ZWILCH: variants seen among roughly 807,000 people sequenced by gnomAD.
The protein encoded by ZWILCH is zwilch kinetochore protein.
In ZWILCH, 74 loss-of-function variants were observed where a neutral mutation model predicts 79.9. The observed-to-expected ratio is 0.93, with a 90% CI of 0.77 to 1.12. ZWILCH has a LOEUF of 1.12. Among genes scored for constraint, ZWILCH ranks in the 50% most tolerant of loss-of-function variants. ZWILCH has a pLI of 0.00. For missense variants in ZWILCH, 694 were observed against 687.5 expected, an observed-to-expected ratio of 1.01 and a Z score of -0.11; for synonymous variants, 241 against 228.2, an observed-to-expected ratio of 1.06 and a Z score of -0.51.
chr15:66,518,463 G>GA (rs1416980218), intron 4 of ZWILCH, among the ~76,000 whole-genome samples: 2 of 151,928 alleles, frequency 1.3e-5, no homozygotes, highest in East Asian at 3.9e-4. Context: ...TGTATTTTTA[G>GA]TAGAGATGGG....
chr15:66,525,756 C>CT (rs66835007), intron 8 of ZWILCH, among the ~76,000 whole-genome samples: 3,490 of 93,426 alleles, frequency 0.037, 112 homozygotes, highest in African/African-American at 0.048. Context: ...TCACATTTTT[C>CT]TTTTTTTTTT....
chr15:66,534,976 T>C (rs1894965097), intron 14 of ZWILCH, among the ~76,000 whole-genome samples: 1 of 152,206 alleles, frequency 6.6e-6, no homozygotes, highest in East Asian at 1.9e-4. Context: ...TACAAACACA[T>C]TGTACAGCTA....
Position 66,527,383 on chromosome 15 carries a change from G to C in ZWILCH, c.913G>C (p.Asp305His). The C allele has an allele frequency of 6.2e-7, 1 of 1,611,042 alleles. No individual in the cohort carries two copies. Among genetic ancestry groups the C allele is most frequent in the East Asian group, 2.2e-5 (1 of 44,842 alleles). The change falls in exon 9 of 19, where the codon GAC (aspartate) becomes CAC (histidine). Residue 305 changes from aspartate to histidine, a missense_variant and splice_region_variant. Transcript: ENST00000307897. ...TGAACTTGTTCAGGAATTTCTGAATGGTGTATTACTTGTTTTATTAATTGA... is the reference window on the plus strand; with the variant it reads ...TGAACTTGTTCAGGAATTTCTGAATCGTGTATTACTTGTTTTATTAATTGA... ...AVELVQEFLN[D>H]LNKLDGFGDS...
intron 17 of ZWILCH, among the ~76,000 whole-genome samples, chr15:66,545,110 T>G (rs1186620154): frequency 6.7e-6 from 1 of 150,016 alleles, no homozygotes; most frequent in Non-Finnish European, 1.5e-5. Flanking sequence ...CCCAGCACTT[T>G]GGAAGGCTGA....
intron 7 of ZWILCH, among the ~76,000 whole-genome samples, chr15:66,522,326 T>G (rs1894525709): frequency 6.7e-6 from 1 of 149,006 alleles, no homozygotes; most frequent in Non-Finnish European, 1.5e-5. Flanking sequence ...GAAATAGATT[T>G]CTTTCTTTTT....
At chr15:66,509,819 CTACATATATA>C (rs1351382884) in intron 2 of ZWILCH, among the ~76,000 whole-genome samples, 37 of 49,844 alleles carry the variant, frequency 7.4e-4, no homozygotes, top group South Asian at 1.9e-3. Context: ...GTGTGTGTGG[CTACATATATA>C]TATATATATA....
At chr15:66,535,636 A>G (rs1025854590) in intron 14 of ZWILCH, among the ~76,000 whole-genome samples, 1 of 151,576 alleles carries the variant, frequency 6.6e-6, no homozygotes, top group African/African-American at 2.4e-5. Context: ...AGATCACGCC[A>G]CGGCACTCCA....
At chr15:66,527,747 C>T in intron 9 of ZWILCH, 110 bp from the exon 10 acceptor site, 1 of 912,462 alleles carries the variant, frequency 1.1e-6, no homozygotes. Context: ...TTGCTAAAAT[C>T]CTTAGTTAGA....
In ZWILCH at chr15:66,549,327, C is replaced by T. The variant is rs1895505552; in HGVS notation, c.*1003C>T. ...TATTTAAATTTGTTGAGGGGGATTG[C>T]ATGTTGCTTTATTGGCCTGTAAAAA... On this transcript the variant is annotated 3_prime_UTR_variant, in exon 19 of 19. Coordinates refer to ENST00000307897, the MANE Select transcript of ZWILCH (RefSeq NM_017975.5). 1.3e-5 allele frequency: 2 copies of T among 152,078 alleles called. No homozygotes were observed. The highest frequency in any genetic ancestry group is 1.3e-4 in the Admixed American group (2 of 15,248). The allele number at this position is 152,078 out of a possible 1,614,324, so 9.4% of individuals were successfully genotyped here. A position where few individuals can be genotyped will look rare whatever the true frequency, so the allele number is the denominator to read the frequency against.
chr15:66,535,809 C>A, intron 14 of ZWILCH, 124 bp from the exon 15 acceptor site: 1 of 616,894 alleles, frequency 1.6e-6, no homozygotes, highest in Non-Finnish European at 2.5e-6. Context: ...TTCTTCTGGT[C>A]TTTTTTTTTT....
At chr15:66,513,717 G>A (rs1483036086) in intron 2 of ZWILCH, among the ~76,000 whole-genome samples, 3 of 151,862 alleles carry the variant, frequency 2.0e-5, no homozygotes, top group Admixed American at 2.0e-4. Context: ...GACTACAGGC[G>A]CCCGCCACCA....
chr15:66,520,442 A>T (rs1382623447), intron 5 of ZWILCH, 148 bp from the exon 6 acceptor site: 1 of 623,932 alleles, frequency 1.6e-6, no homozygotes, highest in Non-Finnish European at 2.9e-6. Flanking sequence ...TCTTATAAAC[A>T]TTTCACTTAT....
chr15:66,521,621 G>A (rs1251966013), intron 7 of ZWILCH, among the ~76,000 whole-genome samples: 1 of 152,018 alleles, frequency 6.6e-6, no homozygotes, highest in Non-Finnish European at 1.5e-5. Context: ...TCAGCCTCCT[G>A]AGTAGCTAGG....
At chr15:66,509,390 T>G (rs1418231608) in intron 2 of ZWILCH, among the ~76,000 whole-genome samples, 1 of 152,224 alleles carries the variant, frequency 6.6e-6, no homozygotes, top group Admixed American at 6.5e-5. Context: ...TCTCTGTAGT[T>G]TTACCTTTTC....
Position 66,515,507 on chromosome 15 carries a change from A to T in ZWILCH, c.202-19A>T. On this transcript the variant is annotated intron_variant, in intron 3 of 18. Transcript: ENST00000307897. ...ATATGCTCTTTTGTCTGGTTAAATA[A>T]TTAAGAACATTTTTAAAGCCTTTAG... The T allele has an allele frequency of 6.7e-7, 1 of 1,500,716 alleles. No homozygotes were observed. The highest frequency in any genetic ancestry group is 9.2e-7 in the Non-Finnish European group (1 of 1,085,320). 93.0% of individuals were successfully genotyped at this position (1,500,716 alleles called of 1,614,324 possible). A position where few individuals can be genotyped will look rare whatever the true frequency, so the allele number is the denominator to read the frequency against.
chr15:66,529,301 T>A (rs375980612), intron 11 of ZWILCH, among the ~76,000 whole-genome samples, 193 bp from the exon 12 acceptor site: 7 of 152,260 alleles, frequency 4.6e-5, no homozygotes, highest in Admixed American at 2.0e-4. Context: ...TTTTTGGCAA[T>A]CTGAATTTGG....
At chr15:66,506,111 C>T (rs187493784) in intron 1 of ZWILCH, among the ~76,000 whole-genome samples, 16 of 152,328 alleles carry the variant, frequency 1.1e-4, no homozygotes, top group Admixed American at 9.8e-4. Context: ...GTAACGGATA[C>T]GGCTGGTTGG....
At chr15:66,505,548 G>A (rs1165655028) in intron 1 of ZWILCH, 157 bp downstream of exon 1, 10 of 786,552 alleles carry the variant, frequency 1.3e-5, no homozygotes, top group Middle Eastern at 2.6e-4. Flanking sequence ...TCTCGGCTCC[G>A]GTGTGGGGTT....
intron 3 of ZWILCH, 38 bp from the exon 4 acceptor site, chr15:66,515,488 T>A (rs759364764): frequency 1.5e-6 from 2 of 1,322,166 alleles, no homozygotes; most frequent in African/African-American, 1.5e-5. Flanking sequence ...TCCTATATGC[T>A]CTTTTGTCTG....
Sources: allele counts gnomAD v4.1 joint callset (sites outside exome capture counted in the v4.1 genomes callset), GRCh38; gene constraint gnomAD v4.1.1; transcripts MANE v1.5; gene names NCBI Gene and HGNC (gene_info 2026-07-23, HGNC 2026-07-21).